The following SRGAP3 variants were observed in gnomAD, a reference collection of about 807,000 sequenced individuals.
SRGAP3 encodes SLIT-ROBO Rho GTPase-activating protein 3.
A neutral mutation model predicts 121.1 loss-of-function variants in SRGAP3; 39 were observed. That is an observed-to-expected ratio of 0.32 (90% CI 0.25 to 0.42). The LOEUF is 0.42. Ranked by LOEUF, SRGAP3 falls within the 10% of genes least tolerant of loss-of-function variation. The pLI, the probability that SRGAP3 is intolerant of heterozygous loss-of-function variation, is 1.00. For missense variants in SRGAP3, 1,213 were observed against 1,470.6 expected (o/e 0.82, Z 2.86); for synonymous variants, 601 against 570.0 (o/e 1.05, Z -0.77).
At chr3:9,002,833 T>C (rs1344188842) in intron 18 of SRGAP3, among the ~76,000 whole-genome samples, 1 of 152,106 alleles carries the variant, frequency 6.6e-6, no homozygotes, top group Non-Finnish European at 1.5e-5. Context: ...ACAAGTTGGA[T>C]ATCTTAGATG....
chr3:9,051,423 G>C (rs1945571872), intron 9 of SRGAP3, among the ~76,000 whole-genome samples: 1 of 152,152 alleles, frequency 6.6e-6, no homozygotes, highest in African/African-American at 2.4e-5. Flanking sequence ...GGTGACACAG[G>C]TTTGAGGAGA....
chr3:9,009,111 T>C (rs1471514940), intron 18 of SRGAP3, among the ~76,000 whole-genome samples: 1 of 152,190 alleles, frequency 6.6e-6, no homozygotes, highest in Non-Finnish European at 1.5e-5. Context: ...AGGAACTTAC[T>C]CTCTCTTAAG....
chr3:9,089,290 GGC>G (rs1371111167), intron 3 of SRGAP3, among the ~76,000 whole-genome samples: 1 of 82,964 alleles, frequency 1.2e-5, no homozygotes, highest in African/African-American at 4.2e-5. Flanking sequence ...AAGTGGGGTG[GGC>G]GGGGGGGGGG....
chr3:9,025,447 C>T (rs987230989), intron 13 of SRGAP3, 109 bp from the exon 14 acceptor site: 3 of 1,225,902 alleles, frequency 2.4e-6, no homozygotes, highest in East Asian at 4.7e-5. Flanking sequence ...CTTTCTCCCC[C>T]GATCCTTTAT....
At chr3:9,060,564 T>C (rs1946106493) in intron 5 of SRGAP3, among the ~76,000 whole-genome samples, 1 of 151,480 alleles carries the variant, frequency 6.6e-6, no homozygotes, top group African/African-American at 2.4e-5. Flanking sequence ...TAGCTGGGAC[T>C]ATAGATGCAT....
chr3:9,071,891 T>C (rs1007245454), intron 4 of SRGAP3, among the ~76,000 whole-genome samples: 3 of 152,074 alleles, frequency 2.0e-5, no homozygotes, highest in Non-Finnish European at 4.4e-5. Flanking sequence ...TAGAAGACAG[T>C]TGGGGTCTCT....
chr3:9,173,612 T>C (rs396323), intron 1 of SRGAP3, among the ~76,000 whole-genome samples: 111,846 of 151,858 alleles, frequency 0.74, 42,106 homozygotes, highest in African/African-American at 0.91. Context: ...AATCTAAGCA[T>C]CAATCCCTCC....
At chr3:9,231,585 G>A (rs532081227) in intron 1 of SRGAP3, among the ~76,000 whole-genome samples, 1 of 152,172 alleles carries the variant, frequency 6.6e-6, no homozygotes, top group South Asian at 2.1e-4. Flanking sequence ...TTCTCTCCTT[G>A]ATAGCTATTC....
At chr3:9,130,095 G>C (rs939080513) in intron 1 of SRGAP3, among the ~76,000 whole-genome samples, 1 of 152,014 alleles carries the variant, frequency 6.6e-6, no homozygotes, top group Non-Finnish European at 1.5e-5. Flanking sequence ...TTTTTACCAA[G>C]TACATTAAGT....
chr3:9,065,565 T>C (rs1422067772), intron 4 of SRGAP3: 2 of 152,252 alleles, frequency 1.3e-5, no homozygotes, highest in Admixed American at 6.5e-5. Flanking sequence ...TTGTGTGTTC[T>C]AGAATCCAGT....
intron 1 of SRGAP3, among the ~76,000 whole-genome samples, chr3:9,189,585 G>A (rs1241694338): frequency 1.3e-5 from 2 of 152,186 alleles, no homozygotes; most frequent in East Asian, 3.9e-4. Context: ...TACACTTCCT[G>A]TAATCCAGGG....
intron 2 of SRGAP3, among the ~76,000 whole-genome samples, chr3:9,112,272 C>A (rs1948653130): frequency 6.6e-6 from 1 of 152,228 alleles, no homozygotes; most frequent in African/African-American, 2.4e-5. Context: ...CCTTCTCAGG[C>A]CTCACACTGG....
At chr3:9,223,445 T>C (rs1952883598) in intron 1 of SRGAP3, among the ~76,000 whole-genome samples, 1 of 152,254 alleles carries the variant, frequency 6.6e-6, no homozygotes, top group African/African-American at 2.4e-5. Context: ...AAGTGAGCTA[T>C]GAATCTTTAG....
intron 1 of SRGAP3, among the ~76,000 whole-genome samples, chr3:9,344,094 C>A (rs977740304): frequency 6.6e-6 from 1 of 152,136 alleles, no homozygotes; most frequent in African/African-American, 2.4e-5. Flanking sequence ...CCAAGACGGG[C>A]AGATCACCTG....
chr3:9,149,556 C>T (rs1175075230), intron 1 of SRGAP3, among the ~76,000 whole-genome samples: 2 of 152,302 alleles, frequency 1.3e-5, no homozygotes, highest in African/African-American at 2.4e-5. Context: ...ACTCCAGCTA[C>T]AGTCGGGCTC....
Position 8,984,554 on chromosome 3 carries a change from T to C in SRGAP3, c.*965A>G. On this transcript the variant is annotated 3_prime_UTR_variant, in exon 22 of 22. Transcript: ENST00000383836. ...TTCCACACCACTGTATTTTTATTTTTCCCAACCACATGTAATACTGTGCTA... is the reference window on the plus strand; with the variant it reads ...TTCCACACCACTGTATTTTTATTTTCCCCAACCACATGTAATACTGTGCTA... The C allele has an allele frequency of 4.3e-6, 1 of 232,836 alleles. No individual in the cohort carries two copies. Among genetic ancestry groups the C allele is most frequent in the East Asian group, 6.1e-5 (1 of 16,522 alleles). The allele number at this position is 232,836 out of a possible 1,614,324, so 14.4% of individuals were successfully genotyped here.
At chr3:9,003,804 G>A (rs569995140) in intron 18 of SRGAP3, among the ~76,000 whole-genome samples, 147 of 152,296 alleles carry the variant, frequency 9.7e-4, no homozygotes, top group Non-Finnish European at 1.9e-3. Flanking sequence ...ATACGTAACA[G>A]TGAAATACTG....
intron 3 of SRGAP3, among the ~76,000 whole-genome samples, chr3:9,091,410 G>C (rs1208922409): frequency 6.6e-6 from 1 of 152,052 alleles, no homozygotes; most frequent in Non-Finnish European, 1.5e-5. Context: ...AAAATCCTTT[G>C]TCTCTTTCAG....
At position 9,257,894 on chromosome 3, in the gene SRGAP3, G is replaced by A. The variant is rs534603096; in HGVS notation, n.442+68116C>T. On this transcript the variant is annotated intron_variant and non_coding_transcript_variant, in intron 3 of 3. Transcript: ENST00000490889. ...TAATTTTTGTATTTTTAGTAGAGAC[G>A]GGGTTTCACCATCTTGGTGAGGCTG... 2.6e-4 allele frequency among the ~76,000 whole-genome samples: 40 copies of A among 151,892 alleles called. No individual in the cohort carries two copies. The South Asian group carries it at 7.3e-3, about 28-fold the overall frequency.
Sources: allele counts gnomAD v4.1 joint callset (sites outside exome capture counted in the v4.1 genomes callset), GRCh38; gene constraint gnomAD v4.1.1; transcripts MANE v1.5; gene names NCBI Gene and HGNC (gene_info 2026-07-23, HGNC 2026-07-21).